Variants in IL1RAPL2 observed in about 807,000 individuals in gnomAD.
IL1RAPL2 encodes interleukin 1 receptor accessory protein like 2.
A neutral mutation model predicts 44.1 loss-of-function variants in IL1RAPL2; 3 were observed. The observed-to-expected ratio is 0.07, with a 90% CI of 0.03 to 0.18. IL1RAPL2 has a LOEUF of 0.18. Ranked by LOEUF, IL1RAPL2 falls within the 10% of genes least tolerant of loss-of-function variation. The pLI, the probability that IL1RAPL2 is intolerant of heterozygous loss-of-function variation, is 1.00. For synonymous variants in IL1RAPL2, 181 were observed against 178.8 expected (o/e 1.01, Z -0.10); for missense variants, 391 against 496.4 (o/e 0.79, Z 2.02).
chrX:105,426,399 A>T (rs767146634), intron 5 of IL1RAPL2, among the ~76,000 whole-genome samples: 1 of 110,617 alleles, frequency 9.0e-6, no homozygotes, highest in Non-Finnish European at 1.9e-5. Flanking sequence ...GGATTTTGGG[A>T]TGCTCTTACT....
In IL1RAPL2 at chrX:104,701,811, T is replaced by G. The variant is rs1158429316; in HGVS notation, c.82+42816T>G. 3.6e-5 allele frequency among the ~76,000 whole-genome samples: 4 copies of G among 111,738 alleles called. No homozygotes were observed. The Admixed American group carries it at 3.8e-4, about 11-fold the overall frequency. ...CAAATAGTCCCAGTTGGTAATGACT[T>G]TTGGGTGAGTAATATGGGTTTTAAG... On this transcript the variant is annotated intron_variant, in intron 2 of 10. Transcript: ENST00000372582.
chrX:104,696,100 G>A (rs1340822838), intron 2 of IL1RAPL2, among the ~76,000 whole-genome samples: 1 of 111,908 alleles, frequency 8.9e-6, no homozygotes, highest in East Asian at 2.8e-4. Flanking sequence ...GAGCCACTGC[G>A]CCCAGCAAAG....
chrX:104,789,297 C>T (rs978822424), intron 2 of IL1RAPL2, among the ~76,000 whole-genome samples: 1 of 111,651 alleles, frequency 9.0e-6, no homozygotes, highest in Non-Finnish European at 1.9e-5. Context: ...CTCATCCCTC[C>T]CTCTTCCTTC....
intron 5 of IL1RAPL2, among the ~76,000 whole-genome samples, chrX:105,374,133 A>AAG (rs59475560): frequency 0.056 from 5,502 of 98,400 alleles, 714 homozygotes; most frequent in African/African-American, 0.25. Context: ...AAAAAAAAAA[A>AAG]AAAGAAAGAA....
intron 1 of IL1RAPL2, among the ~76,000 whole-genome samples, chrX:104,623,527 C>A (rs901653873): frequency 9.0e-6 from 1 of 111,002 alleles, no homozygotes; most frequent in African/African-American, 3.3e-5. Context: ...CAGGAATAGG[C>A]AAAGGCTACC....
At chrX:105,143,394 G>A (rs185201734) in intron 2 of IL1RAPL2, among the ~76,000 whole-genome samples, 65 of 112,233 alleles carry the variant, frequency 5.8e-4, no homozygotes, top group African/African-American at 2.0e-3. Context: ...ACTACAATGA[G>A]ATAACATCTC....
chrX:104,865,047 G>A (rs1326635401), intron 2 of IL1RAPL2, among the ~76,000 whole-genome samples: 3 of 109,039 alleles, frequency 2.8e-5, no homozygotes, highest in Admixed American at 1.9e-4. Flanking sequence ...GACATACTTA[G>A]CAGCTTAAGA....
chrX:104,892,178 G>T (rs1014992231), intron 2 of IL1RAPL2, among the ~76,000 whole-genome samples: 1 of 111,599 alleles, frequency 9.0e-6, no homozygotes, highest in Non-Finnish European at 1.9e-5. Flanking sequence ...TTTTTGATGT[G>T]CTGCTGGATT....
intron 5 of IL1RAPL2, among the ~76,000 whole-genome samples, chrX:105,467,371 G>T (rs1200761447): frequency 9.0e-6 from 1 of 111,498 alleles, no homozygotes; most frequent in Non-Finnish European, 1.9e-5. Context: ...ATACAAAGTT[G>T]CTCAGGGAAG....
intron 2 of IL1RAPL2, among the ~76,000 whole-genome samples, chrX:105,187,647 G>A (rs1429213728): frequency 5.4e-5 from 6 of 111,693 alleles, no homozygotes; most frequent in Non-Finnish European, 1.1e-4. Context: ...GACAAATACC[G>A]CATGATCTTA....
chrX:105,534,283 G>GA (rs2036662246), intron 6 of IL1RAPL2, among the ~76,000 whole-genome samples: 1 of 111,357 alleles, frequency 9.0e-6, no homozygotes, highest in Non-Finnish European at 1.9e-5. Flanking sequence ...TTCTAATTAA[G>GA]GTAATGCCAA....
At position 104,753,321 on chromosome X, in the gene IL1RAPL2, A is replaced by G. The variant is rs748963157; in HGVS notation, c.82+94326A>G. Among the ~76,000 whole-genome samples, 6 of 110,471 alleles carry G rather than the reference A, an allele frequency of 5.4e-5. No homozygotes were observed. The South Asian group carries it at 2.3e-3, about 43-fold the overall frequency. On this transcript the variant is annotated intron_variant, in intron 2 of 10. Coordinates refer to ENST00000372582, the MANE Select transcript of IL1RAPL2 (RefSeq NM_017416.2). ...TATCATAATCTCTTCACAGTTATAT[A>G]TATATTTGGGGAGAGGAAGAAGAGC...
intron 5 of IL1RAPL2, among the ~76,000 whole-genome samples, chrX:105,288,656 G>A (rs2034589076): frequency 9.1e-6 from 1 of 110,468 alleles, no homozygotes; most frequent in African/African-American, 3.3e-5. Context: ...CCATTAATGA[G>A]TTTTGATGTA....
At chrX:104,769,527 A>G (rs1260136330) in intron 2 of IL1RAPL2, among the ~76,000 whole-genome samples, 1 of 112,480 alleles carries the variant, frequency 8.9e-6, no homozygotes, top group African/African-American at 3.2e-5. Context: ...TTTTTGTTAC[A>G]TGTAGAAAAG....
Position 104,948,378 on chromosome X carries a change from C to T in IL1RAPL2, c.83-247097C>T, listed in dbSNP as rs1394478891. Among the ~76,000 whole-genome samples the T allele has an allele frequency of 1.1e-4, 12 of 106,419 alleles. No homozygotes were observed. In the East Asian group the frequency reaches 3.6e-3, roughly 32 times the overall value. The allele number at this position is 106,419 out of a possible 115,157, so 92.4% of individuals were successfully genotyped here. On this transcript the variant is annotated intron_variant, in intron 2 of 10. Transcript: ENST00000372582. ...ACATCTGCAAACAGGGACAATTTGACTTCCTCTTTTCCTAATTGAATACCC... is the reference window on the plus strand; with the variant it reads ...ACATCTGCAAACAGGGACAATTTGATTTCCTCTTTTCCTAATTGAATACCC...
chrX:104,877,739 C>T (rs1276127521), intron 2 of IL1RAPL2, among the ~76,000 whole-genome samples: 1 of 111,051 alleles, frequency 9.0e-6, no homozygotes, highest in Non-Finnish European at 1.9e-5. Context: ...GCTGTCTGTA[C>T]ATACAGGGCA....
intron 6 of IL1RAPL2, among the ~76,000 whole-genome samples, chrX:105,566,449 C>A (rs1041857544): frequency 2.7e-5 from 3 of 111,555 alleles, no homozygotes; most frequent in African/African-American, 9.8e-5. Flanking sequence ...TACACCCTCC[C>A]AAGCCATCTG....
rs901114845 is a variant in IL1RAPL2, at chrX:104,684,856, T to C, written c.82+25861T>C. 7.1e-5 allele frequency among the ~76,000 whole-genome samples: 8 copies of C among 112,597 alleles called. 1 individual carries two copies. The South Asian group carries it at 3.0e-3, about 42-fold the overall frequency. Reference sequence around the variant, plus strand: ...GTTTGACAATCTAACTTCCACACTCTGATTTGCCCAAAAAGCTGTGGCAGC... The same window carrying C: ...GTTTGACAATCTAACTTCCACACTCCGATTTGCCCAAAAAGCTGTGGCAGC... On this transcript the variant is annotated intron_variant, in intron 2 of 10. Coordinates refer to ENST00000372582, the MANE Select transcript of IL1RAPL2 (RefSeq NM_017416.2).
chrX:105,260,569 C>T (rs770399156), intron 4 of IL1RAPL2, among the ~76,000 whole-genome samples: 1 of 110,752 alleles, frequency 9.0e-6, no homozygotes, highest in East Asian at 2.9e-4. Flanking sequence ...GGATCTCCTT[C>T]CTGGGAAAGT....
Sources: allele counts gnomAD v4.1 joint callset (sites outside exome capture counted in the v4.1 genomes callset), GRCh38; gene constraint gnomAD v4.1.1; transcripts MANE v1.5; gene names NCBI Gene and HGNC (gene_info 2026-07-23, HGNC 2026-07-21).